Variants in RIMS1 observed in about 807,000 individuals in gnomAD.
RIMS1 encodes the protein regulating synaptic membrane exocytosis protein 1.
RIMS1 carries 83 observed loss-of-function variants against 214.1 expected under a neutral mutation model. The ratio of observed to expected loss-of-function variants is 0.39; its 90% CI spans 0.32 to 0.47. The LOEUF (loss-of-function observed/expected upper bound fraction) is 0.47. RIMS1 is among the 20% of genes least tolerant of loss of function. The pLI is 0.99. For synonymous variants in RIMS1, 793 were observed against 786.8 expected (o/e 1.01, Z -0.13); for missense variants, 2,050 against 2,161.8 (o/e 0.95, Z 1.03).
intron 12 of RIMS1, among the ~76,000 whole-genome samples, chr6:72,249,427 T>C (rs2071964149): frequency 6.6e-6 from 1 of 152,166 alleles, no homozygotes; most frequent in Non-Finnish European, 1.5e-5. Flanking sequence ...TTTGAAGATG[T>C]CATTTGTGTA....
At chr6:72,090,027 G>C (rs1030183650) in intron 2 of RIMS1, among the ~76,000 whole-genome samples, 21 of 118,286 alleles carry the variant, frequency 1.8e-4, no homozygotes, top group Non-Finnish European at 3.2e-4. Context: ...TGGTGGGGTG[G>C]GGGGAGGGGG....
intron 2 of RIMS1, among the ~76,000 whole-genome samples, chr6:71,992,079 A>C (rs1011385450): frequency 4.0e-5 from 6 of 150,562 alleles, no homozygotes; most frequent in African/African-American, 1.5e-4. Flanking sequence ...AAGAAAAAGA[A>C]AAAAAAAAGA....
At chr6:72,039,485 T>A (rs2152073766) in intron 2 of RIMS1, among the ~76,000 whole-genome samples, 1 of 152,202 alleles carries the variant, frequency 6.6e-6, no homozygotes, top group South Asian at 2.1e-4. Context: ...TGATTCTTGG[T>A]ATTCAGGCAA....
At chr6:71,960,640 T>C (rs1476547053) in intron 1 of RIMS1, among the ~76,000 whole-genome samples, 1 of 152,138 alleles carries the variant, frequency 6.6e-6, no homozygotes, top group Non-Finnish European at 1.5e-5. Flanking sequence ...CTTGTAGTTT[T>C]TCTCATGTCC....
intron 3 of RIMS1, among the ~76,000 whole-genome samples, chr6:72,098,600 A>G (rs954645074): frequency 2.0e-5 from 3 of 151,670 alleles, no homozygotes; most frequent in Non-Finnish European, 4.4e-5. Context: ...TGGCCGATCA[A>G]TATATCTTAT....
intron 29 of RIMS1, among the ~76,000 whole-genome samples, chr6:72,343,075 C>T (rs541824008): frequency 1.3e-5 from 2 of 151,850 alleles, no homozygotes; most frequent in Non-Finnish European, 2.9e-5. Context: ...TAATGCAAGT[C>T]ATGTGGAAAG....
intron 2 of RIMS1, among the ~76,000 whole-genome samples, chr6:72,040,218 T>G (rs1246173213): frequency 2.0e-5 from 3 of 152,108 alleles, no homozygotes; most frequent in African/African-American, 7.2e-5. Flanking sequence ...CTTTGTATTC[T>G]TATGTCCCAT....
intron 2 of RIMS1, among the ~76,000 whole-genome samples, chr6:72,095,628 A>T (rs771576425): frequency 5.9e-5 from 9 of 152,234 alleles, no homozygotes; most frequent in Non-Finnish European, 1.2e-4. Flanking sequence ...GGATTTGAGA[A>T]TTTTTAAAGT....
chr6:72,089,965 A>C (rs1835751083), intron 2 of RIMS1, among the ~76,000 whole-genome samples: 1 of 143,012 alleles, frequency 7.0e-6, no homozygotes, highest in Non-Finnish European at 1.5e-5. Context: ...GTGGGAATTG[A>C]ACAATGAGAT....
At position 72,145,776 on chromosome 6, in the gene RIMS1, GC is replaced by G. The variant is rs137974474; in HGVS notation, c.472-33798del. Among the ~76,000 whole-genome samples, 46 of 152,300 alleles carry G rather than the reference GC, an allele frequency of 3.0e-4. No individual in the cohort carries two copies. The East Asian group carries it at 8.7e-3, about 29-fold the overall frequency. On this transcript the variant is annotated intron_variant, in intron 4 of 33. Transcript: ENST00000521978. The stretch of plus-strand genomic sequence containing the variant: ...AGGGAAGCACACCCTTCCAGTCAAA[GC>G]TTTGGCAAAAACAAACAAACAACAA...
chr6:72,272,918 G>T (rs551536933), intron 22 of RIMS1, among the ~76,000 whole-genome samples: 1 of 152,178 alleles, frequency 6.6e-6, no homozygotes, highest in South Asian at 2.1e-4. Context: ...AAAACATTCA[G>T]ATTGGATTGA....
chr6:71,939,553 C>T (rs1785418583), intron 1 of RIMS1, among the ~76,000 whole-genome samples: 2 of 152,182 alleles, frequency 1.3e-5, no homozygotes, highest in African/African-American at 4.8e-5. Context: ...ATATTTGCCT[C>T]ACAATTCTGG....
At chr6:71,934,446 G>A (rs757500811) in intron 1 of RIMS1, among the ~76,000 whole-genome samples, 8 of 152,130 alleles carry the variant, frequency 5.3e-5, no homozygotes, top group South Asian at 2.1e-4. Context: ...TACCCTGCTC[G>A]TCACTGTAAC....
intron 1 of RIMS1, among the ~76,000 whole-genome samples, chr6:71,961,267 C>A (rs927354352): frequency 6.6e-6 from 1 of 152,072 alleles, no homozygotes; most frequent in African/African-American, 2.4e-5. Context: ...GAGAAATAAT[C>A]CCTTATGTGT....
At chr6:72,065,731 G>A (rs543509321) in intron 2 of RIMS1, among the ~76,000 whole-genome samples, 1 of 152,170 alleles carries the variant, frequency 6.6e-6, no homozygotes, top group African/African-American at 2.4e-5. Context: ...TTTCTGTAAG[G>A]CACAGAAAGG....
chr6:72,361,269 CT>C (rs1238067396), intron 29 of RIMS1, among the ~76,000 whole-genome samples: 1 of 151,050 alleles, frequency 6.6e-6, no homozygotes, highest in Non-Finnish European at 1.5e-5. Context: ...CCACGCCCTG[CT>C]TTTTTTTGTA....
intron 2 of RIMS1, among the ~76,000 whole-genome samples, chr6:72,082,758 G>A (rs1833723283): frequency 6.6e-6 from 1 of 152,118 alleles, no homozygotes; most frequent in Non-Finnish European, 1.5e-5. Context: ...AGACAGGAAT[G>A]TCACAAGTGG....
At chr6:72,257,331 C>T (rs1005079644) in intron 16 of RIMS1, among the ~76,000 whole-genome samples, 9 of 151,648 alleles carry the variant, frequency 5.9e-5, no homozygotes, top group Non-Finnish European at 1.3e-4. Context: ...TTAACTAAAT[C>T]GCAGACAATA....
intron 2 of RIMS1, among the ~76,000 whole-genome samples, chr6:72,018,874 A>G (rs1233463398): frequency 2.6e-5 from 4 of 152,358 alleles, no homozygotes; most frequent in African/African-American, 9.6e-5. Context: ...ATTATGTGCC[A>G]TATCTTAGAC....
Sources: gnomAD v4.1 joint callset for allele counts (sites outside exome capture counted in the v4.1 genomes callset) on GRCh38, gnomAD v4.1.1 for gene constraint, MANE v1.5 for transcripts, NCBI Gene and HGNC (gene_info 2026-07-23, HGNC 2026-07-21) for gene names.